Variants in LTF observed in about 807,000 individuals in gnomAD.
The protein encoded by LTF is lactotransferrin.
A neutral mutation model predicts 87.2 loss-of-function variants in LTF; 91 were observed. That is an observed-to-expected ratio of 1.04 (90% CI 0.88 to 1.24). The LOEUF is 1.24. LTF is among the 50% of genes most tolerant of loss of function. The probability of loss-of-function intolerance (pLI) is 0.00; values close to 1 mark genes in which losing one functional copy is unlikely to be tolerated. For missense variants in LTF, 901 were observed against 904.3 expected, an observed-to-expected ratio of 1.00 and a Z score of 0.05; for synonymous variants, 378 against 356.1, an observed-to-expected ratio of 1.06 and a Z score of -0.69.
chr3:46,455,879 C>G lies in LTF; in HGVS notation c.416G>C (p.Arg139Pro). ...QGLKSCHTGL[R>P]RTAGWNVPIG... ...AGGGACATTCCATCCAGCGGTCCTG[C>G]GAAGGCCTGTGTGGCAGGACTTCAG... The change falls in exon 4 of 17, where the codon CGC (arginine) becomes CCC (proline). Residue 139 changes from arginine to proline, a missense_variant. Arg to Pro is a moderately radical substitution (Grantham distance 103). Transcript: ENST00000231751. The G allele has an allele frequency of 6.2e-7, 1 of 1,613,634 alleles. No homozygotes were observed. The highest frequency in any genetic ancestry group is 8.5e-7 in the Non-Finnish European group (1 of 1,179,820).
chr3:46,462,622 C>T (rs1575323190), intron 1 of LTF, among the ~76,000 whole-genome samples: 1 of 152,178 alleles, frequency 6.6e-6, no homozygotes, highest in Non-Finnish European at 1.5e-5. Flanking sequence ...GTCTCCAATG[C>T]TGATCCAGGG....
intron 16 of LTF, among the ~76,000 whole-genome samples, chr3:46,437,478 A>T (rs1305243004): frequency 6.6e-6 from 1 of 151,928 alleles, no homozygotes. Context: ...TTGACACCAC[A>T]CCAGGCTAAT....
chr3:46,448,837 C>A, intron 9 of LTF, 26 bp downstream of exon 9: 2 of 1,609,416 alleles, frequency 1.2e-6, no homozygotes, highest in Non-Finnish European at 1.7e-6. Flanking sequence ...GGGCCCACCG[C>A]CCGCCCCTGT....
chr3:46,476,154 A>G (rs1047312467), intron 1 of LTF, among the ~76,000 whole-genome samples: 6 of 152,220 alleles, frequency 3.9e-5, no homozygotes, highest in Admixed American at 1.3e-4. Context: ...CATAATAATG[A>G]GAGCTTTATC....
At chr3:46,440,547 T>C (rs919275447) in intron 14 of LTF, among the ~76,000 whole-genome samples, 1 of 152,356 alleles carries the variant, frequency 6.6e-6, no homozygotes, top group Middle Eastern at 3.4e-3. Context: ...CGGCTCCCGT[T>C]TGTCTCTCTG....
Position 46,439,335 on chromosome 3 carries a change from A to G in LTF, c.1869T>C (p.Asp623=). 6.2e-7 allele frequency: 1 copy of G among 1,614,080 alleles called. No individual in the cohort carries two copies. Residue 623 remains aspartate, a synonymous_variant, in exon 15 of 17, where the codon GAT becomes GAC. Coordinates refer to ENST00000231751, the MANE Select transcript of LTF (RefSeq NM_002343.6). ...ACACCTGTTTCAGGCGTTCCACCTT[A>G]TCCATCCGAGACACCACGGCATGAT... ...APNHAVVSRM[D]KVERLKQVLL... is the part of the protein sequence containing the mutation.
chr3:46,443,563 G>A lies in LTF; in HGVS notation c.1533C>T (p.Ser511=). 6.2e-7 allele frequency: 1 copy of A among 1,613,724 alleles called. No individual in the cohort carries two copies. The highest frequency in any genetic ancestry group is 1.3e-5 in the African/African-American group (1 of 74,848). Residue 511 remains serine (S), a synonymous_variant, in exon 13 of 17, where the codon AGC becomes AGT. Transcript: ENST00000231751. ...SCKFDEYFSQ[S]CAPGSDPRSN... is the part of the protein sequence containing the mutation. ...ATCTCGGGTCAGACCCAGGGGCACAGCTTTGACTGAAATATTCATCTGGAG... is the reference window on the plus strand; with the variant it reads ...ATCTCGGGTCAGACCCAGGGGCACAACTTTGACTGAAATATTCATCTGGAG...
intron 1 of LTF, among the ~76,000 whole-genome samples, chr3:46,477,138 G>C (rs938274096): frequency 4.6e-5 from 7 of 152,196 alleles, no homozygotes; most frequent in Non-Finnish European, 8.8e-5. Context: ...GAGAGTTCTA[G>C]GGGCTTCACA....
At chr3:46,443,036 G>C (rs987111594) in intron 13 of LTF, among the ~76,000 whole-genome samples, 2 of 152,208 alleles carry the variant, frequency 1.3e-5, no homozygotes, top group African/African-American at 4.8e-5. Context: ...CAGAGAAAAA[G>C]GGAAACCTAA....
intron 13 of LTF, among the ~76,000 whole-genome samples, chr3:46,442,808 G>A (rs916338683): frequency 2.0e-5 from 3 of 152,186 alleles, no homozygotes. Flanking sequence ...AAAAGGAACA[G>A]GGGAAGATCC....
chr3:46,441,010 G>A (rs1476608240), intron 14 of LTF, among the ~76,000 whole-genome samples: 1 of 152,210 alleles, frequency 6.6e-6, no homozygotes, highest in African/African-American at 2.4e-5. Context: ...TTTTCATAAA[G>A]GGAGGCTTCA....
intron 1 of LTF, among the ~76,000 whole-genome samples, chr3:46,476,634 G>A (rs562624525): frequency 3.3e-5 from 5 of 152,134 alleles, no homozygotes; most frequent in South Asian, 4.2e-4. Context: ...TGAACACCTC[G>A]CTAAAAAACA....
In LTF at chr3:46,441,488, A is replaced by T; in HGVS notation, c.1656-5T>A. 1.2e-6 allele frequency: 2 copies of T among 1,610,750 alleles called. No individual in the cohort carries two copies. The highest frequency in any genetic ancestry group is 1.7e-6 in the Non-Finnish European group (2 of 1,177,294). ...CCAGCATTCTCAGCCAGGCACCTAA[A>T]ATGTTCCAGAAAATATACACATAAT... On this transcript the variant is annotated splice_polypyrimidine_tract_variant and splice_region_variant and intron_variant, in intron 13 of 16. Coordinates refer to ENST00000231751, the MANE Select transcript of LTF (RefSeq NM_002343.6).
At chr3:46,481,928 T>C (rs1248317782) in intron 1 of LTF, among the ~76,000 whole-genome samples, 1 of 152,142 alleles carries the variant, frequency 6.6e-6, no homozygotes, top group East Asian at 1.9e-4. Context: ...TGGAAAAATA[T>C]TGAATTATTG....
chr3:46,461,057 AG>A (rs761813071), intron 1 of LTF, among the ~76,000 whole-genome samples: 8 of 152,250 alleles, frequency 5.3e-5, no homozygotes, highest in Non-Finnish European at 8.8e-5. Context: ...GCACATGAAA[AG>A]TGCTCAATAT....
chr3:46,483,640 T>C (rs1041559735), intron 1 of LTF, among the ~76,000 whole-genome samples: 2 of 152,140 alleles, frequency 1.3e-5, no homozygotes, highest in Non-Finnish European at 2.9e-5. Flanking sequence ...AAGTGATTAA[T>C]AGGAGCAAGA....
intron 1 of LTF, among the ~76,000 whole-genome samples, chr3:46,471,366 T>C (rs1324480633): frequency 1.3e-5 from 2 of 152,216 alleles, no homozygotes; most frequent in Non-Finnish European, 2.9e-5. Flanking sequence ...CCTATGTCTA[T>C]ACGGGTTATG....
intron 8 of LTF, among the ~76,000 whole-genome samples, 165 bp downstream of exon 8, chr3:46,449,689 A>G (rs1702749339): frequency 6.6e-6 from 1 of 152,234 alleles, no homozygotes. Context: ...CTATTCTTTT[A>G]GAGACACCTG....
At chr3:46,482,706 AAGAAAGAAAG>A (rs1306764948) in intron 1 of LTF, among the ~76,000 whole-genome samples, 26 of 117,736 alleles carry the variant, frequency 2.2e-4, no homozygotes, top group African/African-American at 8.2e-4. Context: ...GAAGGAAGGA[AAGAAAGAAAG>A]AGAAAGAAAG....
Sources: gnomAD v4.1 joint callset for allele counts (sites outside exome capture counted in the v4.1 genomes callset) on GRCh38, gnomAD v4.1.1 for gene constraint, MANE v1.5 for transcripts, NCBI Gene and HGNC (gene_info 2026-07-23, HGNC 2026-07-21) for gene names.